ANKS1B: variants seen among roughly 807,000 people sequenced by gnomAD.
The protein encoded by ANKS1B is ankyrin repeat and sterile alpha motif domain containing 1B, also known as ankyrin repeat and sterile alpha motif domain-containing protein 1B.
A neutral mutation model predicts 148.3 loss-of-function variants in ANKS1B; 36 were observed. The observed-to-expected ratio is 0.24, with a 90% CI of 0.19 to 0.32. The LOEUF (loss-of-function observed/expected upper bound fraction) is 0.32, where lower values mean the gene tolerates loss of function less well. Ranked by LOEUF, ANKS1B falls within the 10% of genes least tolerant of loss-of-function variation. The probability of loss-of-function intolerance (pLI) is 1.00; values close to 1 mark genes in which losing one functional copy is unlikely to be tolerated. For synonymous variants in ANKS1B, 542 were observed against 560.8 expected, an observed-to-expected ratio of 0.97 and a Z score of 0.47; for missense variants, 1,157 against 1,542.6, an observed-to-expected ratio of 0.75 and a Z score of 4.19.
chr12:99,849,838 A>G (rs148459975), intron 1 of ANKS1B, among the ~76,000 whole-genome samples: 1 of 152,266 alleles, frequency 6.6e-6, no homozygotes, highest in East Asian at 1.9e-4. Context: ...ACAGGGCACA[A>G]CTGGGGTTTC....
chr12:98,839,775 C>T (rs773022982), intron 17 of ANKS1B, among the ~76,000 whole-genome samples: 40 of 152,126 alleles, frequency 2.6e-4, no homozygotes, highest in Non-Finnish European at 5.7e-4. Flanking sequence ...TCATTAGAAT[C>T]TCACAAGGAT....
intron 16 of ANKS1B, among the ~76,000 whole-genome samples, chr12:99,071,972 G>A (rs2046428484): frequency 6.6e-6 from 1 of 152,284 alleles, no homozygotes; most frequent in Middle Eastern, 3.4e-3. Context: ...AGGGAGGCAT[G>A]AGTTATGACT....
At chr12:99,913,059 T>G (rs1425809333) in intron 1 of ANKS1B, among the ~76,000 whole-genome samples, 1 of 152,216 alleles carries the variant, frequency 6.6e-6, no homozygotes. Flanking sequence ...ACGAGCTACA[T>G]ATTTTATCCA....
At chr12:99,811,599 T>C (rs1357067697) in intron 3 of ANKS1B, among the ~76,000 whole-genome samples, 1 of 151,942 alleles carries the variant, frequency 6.6e-6, no homozygotes. Context: ...GTCAGAATCA[T>C]ACTGCTGCTG....
chr12:98,960,959 G>A (rs1238149490), intron 17 of ANKS1B, among the ~76,000 whole-genome samples: 1 of 151,974 alleles, frequency 6.6e-6, no homozygotes, highest in South Asian at 2.1e-4. Flanking sequence ...ATACACAGTC[G>A]GAGGAGACAA....
chr12:99,850,173 T>A (rs1484253472), intron 1 of ANKS1B, among the ~76,000 whole-genome samples: 1 of 152,068 alleles, frequency 6.6e-6, no homozygotes, highest in East Asian at 1.9e-4. Context: ...GAATTTTCAG[T>A]CATTTCAGTT....
intron 14 of ANKS1B, among the ~76,000 whole-genome samples, chr12:99,158,657 A>G (rs2076328106): frequency 6.6e-6 from 1 of 152,080 alleles, no homozygotes; most frequent in Admixed American, 6.6e-5. Context: ...AAAGTGTCCT[A>G]AGAGCATATA....
chr12:99,798,434 A>C (rs113310723), intron 4 of ANKS1B, among the ~76,000 whole-genome samples: 1 of 40,588 alleles, frequency 2.5e-5, no homozygotes, highest in Non-Finnish European at 6.1e-5. Flanking sequence ...AAAAAAAAAA[A>C]AAAAAAAAAC....
At chr12:98,947,485 A>G (rs1435669170) in intron 17 of ANKS1B, among the ~76,000 whole-genome samples, 2 of 152,150 alleles carry the variant, frequency 1.3e-5, no homozygotes, top group Non-Finnish European at 1.5e-5. Flanking sequence ...CTCCAGCTGA[A>G]AGCAACCTAA....
At chr12:99,527,462 C>A (rs971030943) in intron 9 of ANKS1B, among the ~76,000 whole-genome samples, 7 of 152,152 alleles carry the variant, frequency 4.6e-5, no homozygotes, top group Non-Finnish European at 1.0e-4. Flanking sequence ...TTAGACTGCA[C>A]AAAGTCCACC....
intron 9 of ANKS1B, among the ~76,000 whole-genome samples, chr12:99,547,452 G>A (rs913773816): frequency 6.6e-6 from 1 of 152,120 alleles, no homozygotes; most frequent in East Asian, 1.9e-4. Context: ...ACACCCAGGG[G>A]TGTTATGAGG....
chr12:98,894,681 C>A, intron 17 of ANKS1B: 1 of 985,724 alleles, frequency 1.0e-6, no homozygotes, highest in Non-Finnish European at 1.2e-6. Flanking sequence ...CTGGCGGGCT[C>A]TGGCCCCCGA....
intron 17 of ANKS1B, among the ~76,000 whole-genome samples, chr12:98,928,706 G>T (rs1433984485): frequency 2.0e-5 from 3 of 151,940 alleles, no homozygotes; most frequent in South Asian, 2.1e-4. Flanking sequence ...GAGCACAATA[G>T]ATGCAGGAAT....
chr12:99,332,069 G>T (rs1462746746), intron 12 of ANKS1B, among the ~76,000 whole-genome samples: 1 of 151,998 alleles, frequency 6.6e-6, no homozygotes. Context: ...TCCACAGTTT[G>T]TTCCTCCCTT....
chr12:99,667,793 C>A lies in ANKS1B; in HGVS notation c.1129-12583G>T, dbSNP rs117253643. On this transcript the variant is annotated intron_variant, in intron 8 of 26. Transcript: ENST00000683438. ...ATGAATAGATGCTTTTCTACAATGA[C>A]TGATATGATCATAAGGTTTTCTTCC... 2.4e-4 allele frequency among the ~76,000 whole-genome samples: 37 copies of A among 152,296 alleles called. 1 individual carries two copies. In the East Asian group the frequency reaches 7.1e-3, roughly 29 times the overall value.
At chr12:99,481,407 T>C (rs1329390992) in intron 10 of ANKS1B, among the ~76,000 whole-genome samples, 1 of 151,572 alleles carries the variant, frequency 6.6e-6, no homozygotes, top group African/African-American at 2.4e-5. Flanking sequence ...ATATACTACA[T>C]TTTATATACT....
At chr12:99,842,831 C>G (rs927982455) in intron 1 of ANKS1B, among the ~76,000 whole-genome samples, 1 of 152,248 alleles carries the variant, frequency 6.6e-6, no homozygotes. Flanking sequence ...AATGCATGAG[C>G]ATTGAAAAGT....
intron 14 of ANKS1B, among the ~76,000 whole-genome samples, chr12:99,202,546 C>T (rs1265389630): frequency 6.6e-6 from 1 of 152,174 alleles, no homozygotes; most frequent in Admixed American, 6.5e-5. Context: ...ATACTGAACA[C>T]TTCTTTGGAT....
chr12:99,058,037 T>C (rs1424135257), intron 16 of ANKS1B, among the ~76,000 whole-genome samples: 2 of 152,172 alleles, frequency 1.3e-5, no homozygotes, highest in Non-Finnish European at 2.9e-5. Context: ...AAAAACTGAA[T>C]AGTCACTCCT....
Sources: gnomAD v4.1 joint callset for allele counts (sites outside exome capture counted in the v4.1 genomes callset) on GRCh38, gnomAD v4.1.1 for gene constraint, MANE v1.5 for transcripts, NCBI Gene and HGNC (gene_info 2026-07-23, HGNC 2026-07-21) for gene names.